SNX7: variants seen among roughly 807,000 people sequenced by gnomAD.
SNX7 encodes sorting nexin-7.
A neutral mutation model predicts 48.4 loss-of-function variants in SNX7; 35 were observed. The observed-to-expected ratio is 0.72, with a 90% CI of 0.55 to 0.96. The LOEUF (loss-of-function observed/expected upper bound fraction) is 0.96, where lower values mean the gene tolerates loss of function less well. SNX7 is among the 40% of genes least tolerant of loss of function. The probability of loss-of-function intolerance (pLI) is 0.00; values close to 1 mark genes in which losing one functional copy is unlikely to be tolerated. For missense variants in SNX7, 553 were observed against 548.9 expected, an observed-to-expected ratio of 1.01 and a Z score of -0.07; for synonymous variants, 190 against 190.2, an observed-to-expected ratio of 1.00 and a Z score of 0.01.
chr1:98,739,734 A>G (rs972713863), intron 8 of SNX7, among the ~76,000 whole-genome samples: 3 of 152,322 alleles, frequency 2.0e-5, no homozygotes, highest in African/African-American at 7.2e-5. Context: ...ACACATGCAC[A>G]AAAGTGTAGA....
rs372390035 is a variant in SNX7, at chr1:98,753,749, C to A, written c.1279-6305C>A. Among the ~76,000 whole-genome samples, 15 of 152,112 alleles carry A rather than the reference C, an allele frequency of 9.9e-5. 1 individual carries two copies. Among genetic ancestry groups the A allele is most frequent in the African/African-American group, 3.4e-4 (14 of 41,542 alleles). The stretch of plus-strand genomic sequence containing the variant: ...GATGGTTTGCAAAGGAAACTGAGGG[C>A]TTTTCTCTAAATGTAAAGTGTGGTG... On this transcript the variant is annotated intron_variant, in intron 8 of 8. Coordinates refer to ENST00000306121, the MANE Select transcript of SNX7 (RefSeq NM_015976.5).
At chr1:98,751,521 T>G (rs371282891) in intron 8 of SNX7, among the ~76,000 whole-genome samples, 43 of 152,062 alleles carry the variant, frequency 2.8e-4, no homozygotes, top group African/African-American at 7.2e-4. Context: ...CTGAGTTCTC[T>G]CCTCAAAGAG....
At position 98,684,936 on chromosome 1, in the gene SNX7, C is replaced by T; in HGVS notation, c.232C>T (p.Pro78Ser). Residue 78 changes from proline (P) to serine (S), a missense_variant, in exon 2 of 9, where the codon CCT becomes TCT. Pro to Ser is a moderately conservative substitution (Grantham distance 74, BLOSUM62 -1). Coordinates refer to ENST00000306121, the MANE Select transcript of SNX7 (RefSeq NM_015976.5). ...CTTCAGCCCTATGATGCCAACATCCCCTTTATCAATGATAAACCAAATCAA... is the reference window on the plus strand; with the variant it reads ...CTTCAGCCCTATGATGCCAACATCCTCTTTATCAATGATAAACCAAATCAA... ...NSFSPMMPTS[P>S]LSMINQIKFE... 6.3e-7 allele frequency: 1 copy of T among 1,593,942 alleles called. No homozygotes were observed. The highest frequency in any genetic ancestry group is 1.2e-5 in the South Asian group (1 of 86,038).
intron 7 of SNX7, among the ~76,000 whole-genome samples, chr1:98,709,244 A>G (rs1206463041): frequency 1.3e-5 from 2 of 152,200 alleles, no homozygotes; most frequent in African/African-American, 2.4e-5. Context: ...TTTGAAGTAT[A>G]TATTAGTTTC....
intron 8 of SNX7, among the ~76,000 whole-genome samples, chr1:98,755,450 C>A (rs1654794588): frequency 6.6e-6 from 1 of 150,552 alleles, no homozygotes; most frequent in Non-Finnish European, 1.5e-5. Flanking sequence ...TTTTATGAAA[C>A]TCTTTTATGT....
chr1:98,715,762 T>C, intron 7 of SNX7, among the ~76,000 whole-genome samples: 1 of 152,138 alleles, frequency 6.6e-6, no homozygotes, highest in East Asian at 1.9e-4. Flanking sequence ...CTGGAATCAG[T>C]TATTTCTCTA....
intron 7 of SNX7, among the ~76,000 whole-genome samples, chr1:98,706,216 ATATAT>A (rs1651997320): frequency 6.6e-6 from 1 of 152,174 alleles, no homozygotes. Context: ...AAAATTTATA[ATATAT>A]TATCATATAG....
chr1:98,691,230 T>C (rs1451061438), intron 3 of SNX7, 45 bp downstream of exon 3: 15 of 1,211,012 alleles, frequency 1.2e-5, no homozygotes, highest in African/African-American at 3.1e-5. Flanking sequence ...CTACCAGTTT[T>C]CTAGTGAGTC....
chr1:98,661,614 G>A, upstream of SNX7: 3 of 945,936 alleles, frequency 3.2e-6, no homozygotes, highest in Non-Finnish European at 4.0e-6. Context: ...TGCGCAGCGG[G>A]CGAGGGGCTG....
At chr1:98,748,660 A>ACG (rs1553207404) in intron 8 of SNX7, among the ~76,000 whole-genome samples, 1 of 151,784 alleles carries the variant, frequency 6.6e-6, no homozygotes, top group Non-Finnish European at 1.5e-5. Flanking sequence ...ACACACACAC[A>ACG]CACACACACA....
rs1196818310 is a variant in SNX7 at position 98,697,133 on chromosome 1, GAGAAA to G, written c.838+1423_838+1427del. Among the ~76,000 whole-genome samples, 68 of 151,906 alleles carry G rather than the reference GAGAAA, an allele frequency of 4.5e-4. 1 individual carries two copies. Among genetic ancestry groups the G allele is most frequent in the Admixed American group, 4.4e-3 (67 of 15,262 alleles). On this transcript the variant is annotated intron_variant, in intron 5 of 8. Coordinates refer to ENST00000306121, the MANE Select transcript of SNX7 (RefSeq NM_015976.5). ...TTGAGATTTCTCAATTGACTCAATTGAGAAAAGAAAGTGGAAAATTTTCTTTTCCA... is the reference window on the plus strand; with the variant it reads ...TTGAGATTTCTCAATTGACTCAATTGAGAAAGTGGAAAATTTTCTTTTCCA...
intron 2 of SNX7, among the ~76,000 whole-genome samples, 173 bp downstream of exon 2, chr1:98,685,240 T>C (rs1650730510): frequency 6.6e-6 from 1 of 152,160 alleles, no homozygotes; most frequent in Non-Finnish European, 1.5e-5. Flanking sequence ...TCACTTGTTC[T>C]GTATTAAGTC....
chr1:98,757,760 G>T (rs1412728118), intron 8 of SNX7, among the ~76,000 whole-genome samples: 3 of 150,926 alleles, frequency 2.0e-5, no homozygotes, highest in Admixed American at 1.3e-4. Flanking sequence ...ATTGATTGAG[G>T]CAAAAGAGCC....
At chr1:98,691,935 A>ACTCT (rs1241403307) in intron 4 of SNX7, among the ~76,000 whole-genome samples, 4 of 87,380 alleles carry the variant, frequency 4.6e-5, no homozygotes, top group South Asian at 4.4e-4. Context: ...ACACACACAC[A>ACTCT]CACTCTCTCT....
At chr1:98,736,382 G>C (rs773110237) in intron 7 of SNX7, among the ~76,000 whole-genome samples, 2 of 152,136 alleles carry the variant, frequency 1.3e-5, no homozygotes, top group African/African-American at 4.8e-5. Flanking sequence ...GCTCTCTAAC[G>C]TCCCTGAGGT....
At chr1:98,708,723 G>T (rs1166545098) in intron 7 of SNX7, among the ~76,000 whole-genome samples, 2 of 152,118 alleles carry the variant, frequency 1.3e-5, no homozygotes, top group Non-Finnish European at 2.9e-5. Flanking sequence ...CGGCAGCCCT[G>T]TCTCATTCAA....
chr1:98,732,750 G>T (rs1226667282), intron 7 of SNX7, among the ~76,000 whole-genome samples: 1 of 152,038 alleles, frequency 6.6e-6, no homozygotes, highest in African/African-American at 2.4e-5. Context: ...ATATATTTAC[G>T]TGTTTGAGGA....
chr1:98,724,596 G>C (rs1364023303), intron 7 of SNX7, among the ~76,000 whole-genome samples: 1 of 152,090 alleles, frequency 6.6e-6, no homozygotes, highest in Non-Finnish European at 1.5e-5. Flanking sequence ...TGTATGTATA[G>C]AGACAATCAC....
intron 8 of SNX7, among the ~76,000 whole-genome samples, chr1:98,739,560 C>T (rs1653968623): frequency 6.6e-6 from 1 of 152,038 alleles, no homozygotes; most frequent in Admixed American, 6.6e-5. Flanking sequence ...AGGAAACAAT[C>T]ACAAAGAGAG....
Sources: allele counts gnomAD v4.1 joint callset (sites outside exome capture counted in the v4.1 genomes callset), GRCh38; gene constraint gnomAD v4.1.1; transcripts MANE v1.5; gene names NCBI Gene and HGNC (gene_info 2026-07-23, HGNC 2026-07-21).